NPNT: variants seen among roughly 807,000 people sequenced by gnomAD.
NPNT encodes the protein nephronectin.
A neutral mutation model predicts 68.6 loss-of-function variants in NPNT; 45 were observed. The ratio of observed to expected loss-of-function variants is 0.66; its 90% CI spans 0.52 to 0.84. The LOEUF (loss-of-function observed/expected upper bound fraction) is 0.84. Among genes scored for constraint, NPNT ranks in the 40% least tolerant of loss-of-function variants. The pLI is 0.00. For synonymous variants in NPNT, 233 were observed against 253.3 expected (o/e 0.92, Z 0.76); for missense variants, 672 against 714.8 (o/e 0.94, Z 0.68).
At chr4:105,909,876 C>T (rs768035160) in intron 2 of NPNT, among the ~76,000 whole-genome samples, 2 of 152,150 alleles carry the variant, frequency 1.3e-5, no homozygotes, top group African/African-American at 2.4e-5. Context: ...GTGTGTGTGT[C>T]ATGCTGTGCT....
At chr4:105,906,320 G>A (rs1726891939) in intron 2 of NPNT, among the ~76,000 whole-genome samples, 1 of 152,190 alleles carries the variant, frequency 6.6e-6, no homozygotes, top group Non-Finnish European at 1.5e-5. Context: ...CGGAGTGGGA[G>A]TGAATGATGG....
chr4:105,958,278 A>G (rs924285673), intron 8 of NPNT, among the ~76,000 whole-genome samples, 193 bp from the exon 9 acceptor site: 14 of 152,188 alleles, frequency 9.2e-5, no homozygotes, highest in Non-Finnish European at 2.1e-4. Context: ...ATGTACCCAG[A>G]TCAAGGTTGC....
chr4:105,965,639 G>T (rs997163602), intron 10 of NPNT, among the ~76,000 whole-genome samples: 2 of 152,192 alleles, frequency 1.3e-5, no homozygotes, highest in Non-Finnish European at 2.9e-5. Flanking sequence ...TACCTGTGAT[G>T]ATTCAAAAGC....
At chr4:105,895,913 G>A in intron 1 of NPNT, 190 bp downstream of exon 1, 1 of 580,946 alleles carries the variant, frequency 1.7e-6, no homozygotes. Context: ...GGCGGAGAGG[G>A]CGCGCCCTTG....
rs1417140997 is a variant in NPNT at position 105,970,946 on chromosome 4, T to C, written c.*1956T>C. 6.6e-6 allele frequency: 2 copies of C among 304,686 alleles called. No individual in the cohort carries two copies. Among genetic ancestry groups the C allele is most frequent in the Non-Finnish European group, 6.6e-6 (1 of 152,554 alleles). The allele number at this position is 304,686 out of a possible 1,614,324, so 18.9% of individuals were successfully genotyped here. On this transcript the variant is annotated 3_prime_UTR_variant, in exon 12 of 12. Transcript: ENST00000379987. ...CTCCCTTATGGCAATCCTAGCAGTA[T>C]TAAAGAAAAAAGGAAACTATTTATT...
Position 105,967,198 on chromosome 4 carries a change from T to C in NPNT, c.1356T>C (p.Tyr452=). The change falls in exon 11 of 12, where the codon TAT becomes TAC. Residue 452 remains tyrosine (Y), a synonymous_variant. Transcript: ENST00000379987. ...CTTTTCCCATTCCAGGTGGACAATA[T>C]CTGACAGTGTCGGCAGCCAAAGCCC... ...EPIRDPAGGQ[Y]LTVSAAKAPG... 1 of 1,613,528 alleles carries C rather than the reference T, an allele frequency of 6.2e-7. No homozygotes were observed. Among genetic ancestry groups the C allele is most frequent in the Non-Finnish European group, 8.5e-7 (1 of 1,179,986 alleles).
intron 3 of NPNT, among the ~76,000 whole-genome samples, chr4:105,934,872 C>T (rs781195922): frequency 9.9e-5 from 15 of 152,050 alleles, no homozygotes; most frequent in Middle Eastern, 3.2e-3. Context: ...AAATTTCGGT[C>T]GAAGCCATTC....
At chr4:105,924,897 A>ATTTC in intron 2 of NPNT, among the ~76,000 whole-genome samples, 1 of 152,244 alleles carries the variant, frequency 6.6e-6, no homozygotes, top group South Asian at 2.1e-4. Context: ...TATTTCCTGG[A>ATTTC]CTTGCACTTA....
At chr4:105,959,266 C>T in intron 10 of NPNT, 140 bp downstream of exon 10, 1 of 582,928 alleles carries the variant, frequency 1.7e-6, no homozygotes, top group Non-Finnish European at 3.1e-6. Flanking sequence ...CCATGCCTAG[C>T]ATTTATATTT....
intron 8 of NPNT, among the ~76,000 whole-genome samples, chr4:105,958,110 CATA>C (rs1731382780): frequency 6.6e-6 from 1 of 152,088 alleles, no homozygotes; most frequent in Non-Finnish European, 1.5e-5. Flanking sequence ...ATTTAAAGAT[CATA>C]ATAATGTATC....
chr4:105,896,371 A>G (rs1297923839), intron 1 of NPNT, among the ~76,000 whole-genome samples: 1 of 151,926 alleles, frequency 6.6e-6, no homozygotes, highest in Non-Finnish European at 1.5e-5. Context: ...GGCGAGCCTG[A>G]CGGCGGCGTG....
At chr4:105,908,669 T>G (rs1344894502) in intron 2 of NPNT, among the ~76,000 whole-genome samples, 1 of 151,934 alleles carries the variant, frequency 6.6e-6, no homozygotes, top group African/African-American at 2.4e-5. Context: ...GTTCAAGCGA[T>G]TCTCCTGCCT....
chr4:105,967,803 T>C (rs1437144549), intron 11 of NPNT, among the ~76,000 whole-genome samples: 1 of 152,162 alleles, frequency 6.6e-6, no homozygotes, highest in African/African-American at 2.4e-5. Flanking sequence ...TTCCCTTTCC[T>C]TTTAATTCCT....
At chr4:105,925,359 G>C (rs943959484) in intron 2 of NPNT, among the ~76,000 whole-genome samples, 1 of 151,990 alleles carries the variant, frequency 6.6e-6, no homozygotes, top group Non-Finnish European at 1.5e-5. Flanking sequence ...CTAAGGATTT[G>C]TGGTGGTACA....
intron 2 of NPNT, among the ~76,000 whole-genome samples, chr4:105,900,345 A>G (rs1198940939): frequency 6.6e-6 from 1 of 152,206 alleles, no homozygotes; most frequent in Non-Finnish European, 1.5e-5. Flanking sequence ...AGGTAGGGAA[A>G]GGTGGTGGTA....
chr4:105,967,119 C>T, intron 10 of NPNT, 69 bp from the exon 11 acceptor site: 1 of 1,400,752 alleles, frequency 7.1e-7, no homozygotes, highest in Non-Finnish European at 9.8e-7. Flanking sequence ...AACTAAAACT[C>T]CTGTCCATGC....
Position 105,937,049 on chromosome 4 carries a change from C to T in NPNT, c.306C>T (p.His102=), listed in dbSNP as rs1480454376. 7 of 1,613,548 alleles carry T rather than the reference C, an allele frequency of 4.3e-6. No individual in the cohort carries two copies. Among genetic ancestry groups the T allele is most frequent in the Non-Finnish European group, 5.9e-6 (7 of 1,179,692 alleles). ...GCCTGAAGCCCCGGCCCTGTAAGCA[C>T]AGGTGCATGAACACTTACGGCAGCT... The part of the protein sequence containing the change: ...ECGLKPRPCK[H]RCMNTYGSYK... Residue 102 remains histidine, a synonymous_variant, in exon 4 of 12, where the codon CAC becomes CAT. Transcript: ENST00000379987.
chr4:105,928,271 T>C (rs541095029), intron 3 of NPNT, among the ~76,000 whole-genome samples: 2 of 152,298 alleles, frequency 1.3e-5, no homozygotes, highest in African/African-American at 4.8e-5. Flanking sequence ...CTCGAACTCA[T>C]GCTACAAAGT....
chr4:105,971,061 A>G lies in NPNT; in HGVS notation c.*2071A>G. ...TTCAATGTTTCTTCATGTTAAAGGT[A>G]TAAGCCTTTCATTTGTTCAATGGAT... On this transcript the variant is annotated 3_prime_UTR_variant, in exon 12 of 12. Coordinates refer to ENST00000379987, the MANE Select transcript of NPNT (RefSeq NM_001033047.3). 2.4e-6 allele frequency: 1 copy of G among 420,444 alleles called. No homozygotes were observed. The highest frequency in any genetic ancestry group is 4.8e-6 in the Non-Finnish European group (1 of 206,534). 26.0% of individuals were successfully genotyped at this position (420,444 alleles called of 1,614,324 possible). A position where few individuals can be genotyped will look rare whatever the true frequency, so the allele number is the denominator to read the frequency against.
Sources: gnomAD v4.1 joint callset for allele counts (sites outside exome capture counted in the v4.1 genomes callset) on GRCh38, gnomAD v4.1.1 for gene constraint, MANE v1.5 for transcripts, NCBI Gene and HGNC (gene_info 2026-07-23, HGNC 2026-07-21) for gene names.